Variants in IQCH observed in about 807,000 individuals in gnomAD.
The protein encoded by IQCH is IQ domain-containing protein H.
A neutral mutation model predicts 117.0 loss-of-function variants in IQCH; 98 were observed. The ratio of observed to expected loss-of-function variants is 0.84; its 90% CI spans 0.71 to 0.99. The LOEUF (loss-of-function observed/expected upper bound fraction) is 0.99. IQCH is among the 50% of genes least tolerant of loss of function. The probability of loss-of-function intolerance (pLI) is 0.00; values close to 1 mark genes in which losing one functional copy is unlikely to be tolerated. For missense variants in IQCH, 1,102 were observed against 1,243.8 expected, an observed-to-expected ratio of 0.89 and a Z score of 1.72; for synonymous variants, 412 against 448.2, an observed-to-expected ratio of 0.92 and a Z score of 1.02.
At chr15:67,469,405 G>C (rs900863667) in intron 17 of IQCH, among the ~76,000 whole-genome samples, 2 of 152,218 alleles carry the variant, frequency 1.3e-5, no homozygotes, top group South Asian at 4.1e-4. Context: ...GATGGCTGAA[G>C]GAAGGGACAT....
At chr15:67,312,440 C>A (rs1967644443) in intron 4 of IQCH, among the ~76,000 whole-genome samples, 1 of 152,048 alleles carries the variant, frequency 6.6e-6, no homozygotes, top group Non-Finnish European at 1.5e-5. Context: ...ACGCAAAAAT[C>A]CAGTGTGGGA....
In IQCH at chr15:67,362,683, G is replaced by A. The variant is rs138029720; in HGVS notation, c.753+2798G>A. On this transcript the variant is annotated intron_variant, in intron 8 of 20. Coordinates refer to ENST00000335894, the MANE Select transcript of IQCH (RefSeq NM_001031715.3). ...TCCATATCCTCACCCTACAGCCCCA[G>A]GAAATCCTCACCCCATAGCCCCAGG... Among the ~76,000 whole-genome samples the A allele has an allele frequency of 3.0e-3, 462 of 152,252 alleles. 18 individuals carry two copies. The East Asian group carries it at 0.079, about 26-fold the overall frequency.
rs143342391 is a variant in IQCH at position 67,276,318 on chromosome 15, A to G, written c.270-3077A>G. Among the ~76,000 whole-genome samples the G allele has an allele frequency of 4.6e-3, 694 of 152,344 alleles. 2 individuals are homozygous for G. The highest frequency in any genetic ancestry group is 7.7e-3 in the Non-Finnish European group (527 of 68,038). ...TGCCTCCTGCTAAGTACAACTAAAA[A>G]CTTTGGACATTATATTTAAAACAAA... On this transcript the variant is annotated intron_variant, in intron 3 of 20. Transcript: ENST00000335894.
intron 15 of IQCH, among the ~76,000 whole-genome samples, chr15:67,420,036 G>A (rs1271546505): frequency 6.6e-6 from 1 of 152,146 alleles, no homozygotes; most frequent in African/African-American, 2.4e-5. Flanking sequence ...TGTCATTGTT[G>A]TTTTGTTGCA....
intron 18 of IQCH, among the ~76,000 whole-genome samples, chr15:67,482,620 G>A (rs2083369599): frequency 6.6e-6 from 1 of 152,142 alleles, no homozygotes; most frequent in African/African-American, 2.4e-5. Flanking sequence ...AAATCACTTT[G>A]CAAGTTTACT....
intron 4 of IQCH, among the ~76,000 whole-genome samples, chr15:67,288,029 T>G (rs1271527872): frequency 6.6e-6 from 1 of 152,130 alleles, no homozygotes; most frequent in African/African-American, 2.4e-5. Flanking sequence ...TATTGTTTAC[T>G]TTCCATGTAT....
chr15:67,268,565 G>A (rs1308566306), intron 3 of IQCH, among the ~76,000 whole-genome samples: 1 of 152,064 alleles, frequency 6.6e-6, no homozygotes, highest in Non-Finnish European at 1.5e-5. Context: ...TTTTATGTTC[G>A]CTCTGTTGTG....
chr15:67,274,288 C>T (rs1321810518), intron 3 of IQCH, among the ~76,000 whole-genome samples: 2 of 152,280 alleles, frequency 1.3e-5, no homozygotes, highest in Middle Eastern at 3.4e-3. Flanking sequence ...CTCTCTTGAA[C>T]ATCAATAATT....
At chr15:67,414,238 G>A (rs1382388210) in intron 14 of IQCH, among the ~76,000 whole-genome samples, 2 of 152,180 alleles carry the variant, frequency 1.3e-5, no homozygotes, top group Non-Finnish European at 2.9e-5. Flanking sequence ...TACCACCATC[G>A]TGACTCATTC....
intron 3 of IQCH, among the ~76,000 whole-genome samples, chr15:67,268,994 A>G (rs745588985): frequency 2.0e-5 from 3 of 151,864 alleles, no homozygotes; most frequent in South Asian, 2.1e-4. Context: ...AAAAATTGCT[A>G]AGATTCTTAA....
chr15:67,500,313 A>G lies in IQCH; in HGVS notation c.2971-320A>G, dbSNP rs950085381. On this transcript the variant is annotated intron_variant, in intron 20 of 20. Coordinates refer to ENST00000335894, the MANE Select transcript of IQCH (RefSeq NM_001031715.3). The surrounding 1 kb of genome is among the most constrained non-coding windows in gnomAD (Gnocchi z 4.4). ...TTTTATCTGACTATCATGGATCAAC[A>G]TTTTTAACAAAATAGAAGAAAATTT... 2.0e-5 allele frequency among the ~76,000 whole-genome samples: 3 copies of G among 152,220 alleles called. No homozygotes were observed. Among genetic ancestry groups the G allele is most frequent in the Non-Finnish European group, 4.4e-5 (3 of 68,032 alleles).
chr15:67,488,084 G>A (rs1242266681), intron 18 of IQCH, among the ~76,000 whole-genome samples: 1 of 152,206 alleles, frequency 6.6e-6, no homozygotes, highest in African/African-American at 2.4e-5. Flanking sequence ...GGCTGAGGCT[G>A]GGAGGATCAC....
At chr15:67,279,342 A>G in intron 3 of IQCH, 53 bp from the exon 4 acceptor site, 1 of 934,466 alleles carries the variant, frequency 1.1e-6, no homozygotes, top group Non-Finnish European at 1.7e-6. Flanking sequence ...TTACAATTTG[A>G]AAAGCTTTTA....
In IQCH at chr15:67,445,903, C is replaced by A. The variant is rs2082380910; in HGVS notation, c.2506-19224C>A. On this transcript the variant is annotated intron_variant, in intron 16 of 20. Coordinates refer to ENST00000335894, the MANE Select transcript of IQCH (RefSeq NM_001031715.3). This position sits in a 1 kb window ranked among gnomAD's most constrained non-coding sequence, Gnocchi z 4.3. Reference sequence around the variant, plus strand: ...CACAGGTAGGAAATATAAAGAAGAACATGGAGTTTCCCTATCATTGGCAGT... The same window carrying A: ...CACAGGTAGGAAATATAAAGAAGAAAATGGAGTTTCCCTATCATTGGCAGT... 6.6e-6 allele frequency among the ~76,000 whole-genome samples: 1 copy of A among 152,196 alleles called. No individual in the cohort carries two copies. Among genetic ancestry groups the A allele is most frequent in the Non-Finnish European group, 1.5e-5 (1 of 68,036 alleles).
rs143610977 is a variant in IQCH, at chr15:67,262,407, T to C, written c.175-715T>C. On this transcript the variant is annotated intron_variant, in intron 2 of 20. Transcript: ENST00000335894. ...TTCAGACTTTTAATCTACTATGTTA[T>C]CTGCTTCATCTCTCAGCTCCCAAGG... is the stretch of plus-strand genomic sequence containing the variant. 5.3e-4 allele frequency among the ~76,000 whole-genome samples: 81 copies of C among 152,362 alleles called. No individual in the cohort carries two copies. The East Asian group carries it at 0.011, about 20-fold the overall frequency.
chr15:67,347,330 A>C (rs1449763964), intron 6 of IQCH, among the ~76,000 whole-genome samples: 1 of 152,134 alleles, frequency 6.6e-6, no homozygotes, highest in Non-Finnish European at 1.5e-5. Context: ...CAGTATCAGG[A>C]ACAAAAGAAG....
chr15:67,343,855 T>C (rs1211668661), intron 5 of IQCH, among the ~76,000 whole-genome samples: 1 of 152,226 alleles, frequency 6.6e-6, no homozygotes, highest in African/African-American at 2.4e-5. Context: ...TTACTGCCAT[T>C]GGAAATGACA....
In IQCH at chr15:67,467,223, AAAAAAT is replaced by A. The variant is rs895763094; in HGVS notation, c.2676+1942_2676+1947del. 4.6e-5 allele frequency among the ~76,000 whole-genome samples: 7 copies of A among 152,146 alleles called. No individual in the cohort carries two copies. Among genetic ancestry groups the A allele is most frequent in the African/African-American group, 7.2e-5 (3 of 41,438 alleles). ...AGTTGACAGAGTGAGACTCTGTCTC[AAAAAAT>A]AAAAATAAAAATAAAGCTGGAAGCA... is the stretch of plus-strand genomic sequence containing the variant. On this transcript the variant is annotated intron_variant, in intron 17 of 20. Transcript: ENST00000335894. The surrounding 1 kb of genome is among the most constrained non-coding windows in gnomAD (Gnocchi z 5.7).
Position 67,490,166 on chromosome 15 carries a change from T to TTA in IQCH, c.2861+104_2861+105dup, listed in dbSNP as rs1474913322. On this transcript the variant is annotated intron_variant, in intron 19 of 20. Coordinates refer to ENST00000335894, the MANE Select transcript of IQCH (RefSeq NM_001031715.3). The surrounding 1 kb of genome is among the most constrained non-coding windows in gnomAD (Gnocchi z 4.9). ...CATGCATTTTAATCAGCATGCTGAT[T>TTA]TATTAGAAGTCTATCTTTATTTAGA... The TTA allele has an allele frequency of 2.4e-6, 2 of 823,856 alleles. No homozygotes were observed. The highest frequency in any genetic ancestry group is 3.4e-5 in the African/African-American group (2 of 58,084). 51.0% of individuals were successfully genotyped at this position (823,856 alleles called of 1,614,324 possible). A position where few individuals can be genotyped will look rare whatever the true frequency, so the allele number is the denominator to read the frequency against.
Sources: allele counts gnomAD v4.1 joint callset (sites outside exome capture counted in the v4.1 genomes callset), GRCh38; gene constraint gnomAD v4.1.1; non-coding constraint Gnocchi (gnomAD v3.1); transcripts MANE v1.5; gene names NCBI Gene and HGNC (gene_info 2026-07-23, HGNC 2026-07-21).